Variants in FAM107B observed in about 807,000 individuals in gnomAD.
FAM107B encodes family with sequence similarity 107 member B.
FAM107B carries 21 observed loss-of-function variants against 31.5 expected under a neutral mutation model. The ratio of observed to expected loss-of-function variants is 0.67; its 90% CI spans 0.47 to 0.96. The LOEUF is 0.96. FAM107B is among the 40% of genes least tolerant of loss of function. The pLI is 0.00. For synonymous variants in FAM107B, 157 were observed against 141.5 expected, an observed-to-expected ratio of 1.11 and a Z score of -0.78; for missense variants, 452 against 377.1, an observed-to-expected ratio of 1.20 and a Z score of -1.64.
intron 2 of FAM107B, chr10:14,534,842 T>C (rs969376301): frequency 6.6e-6 from 1 of 152,266 alleles, no homozygotes; most frequent in African/African-American, 2.4e-5. Flanking sequence ...GTCTGGTTTA[T>C]GTTCCTATTC....
intron 1 of FAM107B, among the ~76,000 whole-genome samples, chr10:14,673,252 T>A (rs980974461): frequency 1.3e-5 from 2 of 152,202 alleles, no homozygotes; most frequent in Admixed American, 6.5e-5. Flanking sequence ...CTGGCTGTAA[T>A]TTTGTACTCA....
At chr10:14,687,020 G>A (rs1855005851) in intron 1 of FAM107B, among the ~76,000 whole-genome samples, 1 of 152,198 alleles carries the variant, frequency 6.6e-6, no homozygotes, top group Non-Finnish European at 1.5e-5. Flanking sequence ...GAAATTTTAC[G>A]CTCAAAAAGC....
chr10:14,627,631 G>A (rs1853198838), intron 2 of FAM107B, among the ~76,000 whole-genome samples: 1 of 152,166 alleles, frequency 6.6e-6, no homozygotes, highest in East Asian at 1.9e-4. Context: ...TTAAAAATTA[G>A]CCGTGGTTGA....
intron 2 of FAM107B, among the ~76,000 whole-genome samples, chr10:14,614,609 G>T (rs1233489858): frequency 1.3e-5 from 2 of 150,066 alleles, no homozygotes; most frequent in African/African-American, 4.9e-5. Flanking sequence ...GGAGGCAGAG[G>T]TTGCAGTGAA....
At chr10:14,576,205 T>C (rs912380177) in intron 2 of FAM107B, among the ~76,000 whole-genome samples, 1 of 152,184 alleles carries the variant, frequency 6.6e-6, no homozygotes, top group African/African-American at 2.4e-5. Flanking sequence ...GTTTACCTCG[T>C]TGTGTATATT....
chr10:14,564,297 C>T (rs753680578), intron 2 of FAM107B, among the ~76,000 whole-genome samples: 1 of 152,074 alleles, frequency 6.6e-6, no homozygotes, highest in Non-Finnish European at 1.5e-5. Context: ...AGACGTTGAG[C>T]AGATCAGCGG....
chr10:14,694,302 C>A lies in FAM107B; in HGVS notation c.412-26611G>T, dbSNP rs1318113084. Reference sequence around the variant, plus strand: ...TCTTTAAGACTTCCATATTGTCTTCCATAATGGCTGCACCAACCTACATTC... The same window carrying A: ...TCTTTAAGACTTCCATATTGTCTTCAATAATGGCTGCACCAACCTACATTC... On this transcript the variant is annotated intron_variant, in intron 1 of 4. Coordinates refer to ENST00000181796, the MANE Select transcript of FAM107B (RefSeq NM_031453.4). Among the ~76,000 whole-genome samples the A allele has an allele frequency of 3.3e-5, 5 of 152,286 alleles. No homozygotes were observed. In the East Asian group the frequency reaches 9.6e-4, roughly 29 times the overall value.
intron 2 of FAM107B, among the ~76,000 whole-genome samples, chr10:14,630,295 A>AAAAAAAAAC (rs1853321069): frequency 1.3e-5 from 2 of 151,486 alleles, no homozygotes; most frequent in Admixed American, 6.6e-5. Context: ...AAAAAAAAAA[A>AAAAAAAAAC]ATGGAAATAG....
At chr10:14,687,019 C>T (rs1031666) in intron 1 of FAM107B, among the ~76,000 whole-genome samples, 104,118 of 152,188 alleles carry the variant, frequency 0.68, 35,776 homozygotes, top group Middle Eastern at 0.8. Flanking sequence ...GGAAATTTTA[C>T]GCTCAAAAAG....
chr10:14,672,176 C>A (rs933791339), intron 1 of FAM107B, among the ~76,000 whole-genome samples: 3 of 151,876 alleles, frequency 2.0e-5, no homozygotes, highest in African/African-American at 7.3e-5. Context: ...GCAGCCTCCA[C>A]CTTCCAGGTT....
In FAM107B at chr10:14,519,787, C is replaced by G. The variant is rs1482954007; in HGVS notation, c.*1403G>C. The G allele has an allele frequency of 6.6e-6, 1 of 152,244 alleles. No homozygotes were observed. Among genetic ancestry groups the G allele is most frequent in the African/African-American group, 2.4e-5 (1 of 41,436 alleles). The allele number at this position is 152,244 out of a possible 1,614,324, so 9.4% of individuals were successfully genotyped here. ...TTCAAAGAAAGTATGAGAAGTCTCT[C>G]CAATGCAGAAATGACTGGCTGAACT... is the stretch of plus-strand genomic sequence containing the variant. On this transcript the variant is annotated 3_prime_UTR_variant, in exon 5 of 5. Coordinates refer to ENST00000181796, the MANE Select transcript of FAM107B (RefSeq NM_031453.4).
At chr10:14,724,413 A>G (rs1475303507) in intron 1 of FAM107B, among the ~76,000 whole-genome samples, 1 of 152,214 alleles carries the variant, frequency 6.6e-6, no homozygotes, top group Non-Finnish European at 1.5e-5. Context: ...AATTGACTGT[A>G]AGTAAAGGGT....
chr10:14,698,023 G>C (rs1431126997), intron 1 of FAM107B, among the ~76,000 whole-genome samples: 1 of 152,000 alleles, frequency 6.6e-6, no homozygotes. Context: ...TACTCAGGAG[G>C]CTGACGCACA....
chr10:14,670,371 T>G (rs1007079187), intron 1 of FAM107B, among the ~76,000 whole-genome samples: 1 of 152,240 alleles, frequency 6.6e-6, no homozygotes, highest in Non-Finnish European at 1.5e-5. Flanking sequence ...ATTACATATT[T>G]GAAGTGGGTA....
chr10:14,645,595 G>A (rs1442065367), intron 2 of FAM107B, among the ~76,000 whole-genome samples: 1 of 152,168 alleles, frequency 6.6e-6, no homozygotes, highest in Non-Finnish European at 1.5e-5. Flanking sequence ...GGGGGATGTG[G>A]CTGTTAAAGA....
At chr10:14,530,212 G>T in intron 3 of FAM107B, 120 bp downstream of exon 3, 1 of 1,086,898 alleles carries the variant, frequency 9.2e-7, no homozygotes, top group Non-Finnish European at 1.3e-6. Context: ...GAATAAGAAA[G>T]CCTTAACAAA....
chr10:14,581,710 G>A (rs530557180), intron 2 of FAM107B, among the ~76,000 whole-genome samples: 2 of 152,280 alleles, frequency 1.3e-5, no homozygotes, highest in East Asian at 3.9e-4. Context: ...AGAACAGCCT[G>A]GGCACCATAG....
In FAM107B at chr10:14,615,146, T is replaced by G. The variant is rs567458596; in HGVS notation, c.469+52488A>C. Among the ~76,000 whole-genome samples the G allele has an allele frequency of 7.2e-5, 11 of 152,200 alleles. No individual in the cohort carries two copies. The East Asian group carries it at 1.9e-3, about 27-fold the overall frequency. ...GAGTTCGAGACCAGCCTGTCCAATA[T>G]AGTGAAAACTCATCTCTACTAAAAA... On this transcript the variant is annotated intron_variant, in intron 2 of 4. Transcript: ENST00000181796.
chr10:14,704,444 G>A (rs1855475679), intron 1 of FAM107B, among the ~76,000 whole-genome samples: 1 of 152,140 alleles, frequency 6.6e-6, no homozygotes, highest in Non-Finnish European at 1.5e-5. Context: ...ATATTGTGTG[G>A]TTGTAGCCTA....
Sources: allele counts gnomAD v4.1 joint callset (sites outside exome capture counted in the v4.1 genomes callset), GRCh38; gene constraint gnomAD v4.1.1; transcripts MANE v1.5; gene names NCBI Gene and HGNC (gene_info 2026-07-23, HGNC 2026-07-21).